The following NCOA1 variants were observed in gnomAD, a reference collection of about 807,000 sequenced individuals.
The protein encoded by NCOA1 is nuclear receptor coactivator 1, also known as Hin-2 protein.
NCOA1 carries 35 observed loss-of-function variants against 150.9 expected under a neutral mutation model. That is an observed-to-expected ratio of 0.23 (90% CI 0.18 to 0.31). The LOEUF is 0.31. NCOA1 is among the 10% of genes least tolerant of loss of function. The pLI is 1.00. For synonymous variants in NCOA1, 590 were observed against 630.0 expected (o/e 0.94, Z 0.95); for missense variants, 1,491 against 1,749.3 (o/e 0.85, Z 2.63).
At chr2:24,522,554 A>T (rs796213479) in intron 1 of NCOA1, among the ~76,000 whole-genome samples, 8 of 152,312 alleles carry the variant, frequency 5.3e-5, no homozygotes, top group African/African-American at 1.9e-4. Flanking sequence ...ACCAGAGTGT[A>T]CACCAGACGG....
At chr2:24,529,138 G>A (rs949460319) in intron 1 of NCOA1, among the ~76,000 whole-genome samples, 1 of 151,910 alleles carries the variant, frequency 6.6e-6, no homozygotes, top group African/African-American at 2.4e-5. Context: ...TGTTTGCCTC[G>A]GCCTCCCAAA....
At chr2:24,655,220 A>G (rs1670879356) in intron 4 of NCOA1, among the ~76,000 whole-genome samples, 1 of 152,150 alleles carries the variant, frequency 6.6e-6, no homozygotes, top group South Asian at 2.1e-4. Flanking sequence ...ATCAATTTAA[A>G]GTTTTTTGGC....
rs144977620 is a variant in NCOA1 at position 24,707,124 on chromosome 2, G to T, written c.1654G>T (p.Val552Phe). The T allele has an allele frequency of 2.5e-6, 4 of 1,614,028 alleles. No homozygotes were observed. The African/African-American group carries it at 4.0e-5, about 16-fold the overall frequency. ...QGMNEGPNNS[V>F]GFSASSPVLR... ...TATGAATGAAGGACCCAATAACTCC[G>T]TTGGCTTCTCTGCCAGTTCTCCAGT... is the stretch of plus-strand genomic sequence containing the variant. The change falls in exon 13 of 23, where the codon GTT becomes TTT. Residue 552 changes from valine (V) to phenylalanine (F), a missense_variant. By Grantham distance (50) the Val-to-Phe change is conservative (BLOSUM62 -1). This residue lies in a region of NCOA1 where 703 missense variants were observed against 717.7 expected (regional missense o/e 0.98). Transcript: ENST00000348332.
intron 8 of NCOA1, among the ~76,000 whole-genome samples, chr2:24,690,191 T>C (rs1672595254): frequency 6.6e-6 from 1 of 152,116 alleles, no homozygotes; most frequent in Admixed American, 6.5e-5. Context: ...ACAATGAGCA[T>C]CAAAGATTAA....
At chr2:24,710,099 T>G (rs1456429802) in intron 13 of NCOA1, among the ~76,000 whole-genome samples, 2 of 151,892 alleles carry the variant, frequency 1.3e-5, no homozygotes, top group Non-Finnish European at 2.9e-5. Flanking sequence ...ATTTATTTAT[T>G]TATTTATTTT....
intron 19 of NCOA1, among the ~76,000 whole-genome samples, chr2:24,743,980 A>G (rs992192186): frequency 1.3e-5 from 2 of 152,202 alleles, no homozygotes; most frequent in Admixed American, 6.5e-5. Context: ...GGAGAACTTT[A>G]TATTCTGCTT....
chr2:24,606,954 G>A (rs761857767), intron 3 of NCOA1, among the ~76,000 whole-genome samples: 1 of 152,114 alleles, frequency 6.6e-6, no homozygotes, highest in African/African-American at 2.4e-5. Flanking sequence ...ATCAGATAAG[G>A]CATTGCCATT....
intron 2 of NCOA1, among the ~76,000 whole-genome samples, chr2:24,581,376 G>A (rs1215691900): frequency 6.6e-6 from 1 of 152,240 alleles, no homozygotes; most frequent in East Asian, 1.9e-4. Flanking sequence ...AGAATTGAGT[G>A]CCTTATTACA....
intron 1 of NCOA1, among the ~76,000 whole-genome samples, chr2:24,521,226 A>C (rs1273301678): frequency 6.6e-6 from 1 of 152,206 alleles, no homozygotes; most frequent in Non-Finnish European, 1.5e-5. Context: ...GCTGATCAGC[A>C]TATCGGTCAC....
At chr2:24,761,947 C>T (rs1664812600) in intron 21 of NCOA1, among the ~76,000 whole-genome samples, 1 of 152,234 alleles carries the variant, frequency 6.6e-6, no homozygotes, top group Non-Finnish European at 1.5e-5. Context: ...TCCATGTCAT[C>T]TATTCAGGTG....
chr2:24,578,008 A>AT (rs890771593), intron 2 of NCOA1, among the ~76,000 whole-genome samples: 2 of 152,076 alleles, frequency 1.3e-5, no homozygotes, highest in Non-Finnish European at 2.9e-5. Flanking sequence ...ATGGGAATGT[A>AT]TTTTCCATAG....
chr2:24,675,283 A>G (rs1276606854), intron 7 of NCOA1, among the ~76,000 whole-genome samples: 1 of 152,256 alleles, frequency 6.6e-6, no homozygotes, highest in Admixed American at 6.5e-5. Flanking sequence ...ATTTATTGGA[A>G]TGCTATTTGG....
At chr2:24,523,264 A>G (rs1306149421) in intron 1 of NCOA1, among the ~76,000 whole-genome samples, 2 of 152,146 alleles carry the variant, frequency 1.3e-5, no homozygotes, top group Non-Finnish European at 1.5e-5. Flanking sequence ...ATAGATTGTT[A>G]TTATTAGAGT....
At chr2:24,640,891 AGT>A (rs1670184323) in intron 3 of NCOA1, among the ~76,000 whole-genome samples, 1 of 151,896 alleles carries the variant, frequency 6.6e-6, no homozygotes, top group African/African-American at 2.4e-5. Context: ...CTTTTTCCCT[AGT>A]TTCCATCTTT....
intron 5 of NCOA1, among the ~76,000 whole-genome samples, chr2:24,659,819 T>G (rs1364301772): frequency 6.6e-6 from 1 of 152,158 alleles, no homozygotes; most frequent in East Asian, 1.9e-4. Context: ...ACACCAAATG[T>G]CAGTAGCATC....
intron 3 of NCOA1, among the ~76,000 whole-genome samples, chr2:24,619,907 T>G (rs1453313403): frequency 6.6e-6 from 1 of 152,176 alleles, no homozygotes; most frequent in African/African-American, 2.4e-5. Context: ...CCAGCAAGAT[T>G]TACTTCCTAT....
intron 20 of NCOA1, among the ~76,000 whole-genome samples, chr2:24,753,922 A>G (rs1664372282): frequency 6.6e-6 from 1 of 152,226 alleles, no homozygotes; most frequent in Non-Finnish European, 1.5e-5. Flanking sequence ...TCTAATAGGC[A>G]TCTCAAACTT....
intron 3 of NCOA1, among the ~76,000 whole-genome samples, chr2:24,600,166 G>A (rs1338242196): frequency 6.6e-6 from 1 of 152,078 alleles, no homozygotes; most frequent in South Asian, 2.1e-4. Context: ...AAAGTATTGG[G>A]CATTTCTTGG....
At chr2:24,673,831 T>C (rs1405977026) in intron 7 of NCOA1, among the ~76,000 whole-genome samples, 1 of 152,236 alleles carries the variant, frequency 6.6e-6, no homozygotes. Flanking sequence ...TACTTTTGAA[T>C]GAAGGATCCC....
Sources: gnomAD v4.1 joint callset for allele counts (sites outside exome capture counted in the v4.1 genomes callset) on GRCh38, gnomAD v4.1.1 for gene constraint, gnomAD v4.1.1 regional missense constraint, MANE v1.5 for transcripts, NCBI Gene and HGNC (gene_info 2026-07-23, HGNC 2026-07-21) for gene names.